The following CTNNA3 variants were observed in gnomAD, a reference collection of about 807,000 sequenced individuals.
CTNNA3 encodes catenin alpha-3.
A neutral mutation model predicts 95.7 loss-of-function variants in CTNNA3; 76 were observed. The observed-to-expected ratio is 0.79, with a 90% confidence interval of 0.66 to 0.96. The LOEUF (loss-of-function observed/expected upper bound fraction) is 0.96. CTNNA3 is among the 40% of genes least tolerant of loss of function. The pLI, the probability that CTNNA3 is intolerant of heterozygous loss-of-function variation, is 0.00. For synonymous variants in CTNNA3, 431 were observed against 374.4 expected (o/e 1.15, Z -1.74); for missense variants, 1,191 against 1,089.8 (o/e 1.09, Z -1.31).
Position 67,758,254 on chromosome 10 carries a change from T to C in CTNNA3, c.-2+5180A>G, listed in dbSNP as rs189343026. Among the ~76,000 whole-genome samples the C allele has an allele frequency of 1.2e-4, 18 of 150,934 alleles. No homozygotes were observed. In the East Asian group the frequency reaches 3.3e-3, roughly 28 times the overall value. ...CAGCCTCCTTAACCACATAAAACAA[T>C]TCCTATAATAAATCTCCTCATGTGT... On this transcript the variant is annotated intron_variant, in intron 1 of 17. Coordinates refer to the CTNNA3 transcript ENST00000684154.
chr10:67,391,636 A>G (rs1180786723), intron 5 of CTNNA3, among the ~76,000 whole-genome samples: 13 of 150,062 alleles, frequency 8.7e-5, no homozygotes, highest in East Asian at 2.0e-4. Flanking sequence ...GAGGCATCAC[A>G]CTACCTGACT....
intron 12 of CTNNA3, among the ~76,000 whole-genome samples, chr10:66,291,025 C>T (rs1392930825): frequency 6.6e-6 from 1 of 152,020 alleles, no homozygotes; most frequent in African/African-American, 2.4e-5. Context: ...TGACAGTGTC[C>T]ATCATAATAT....
chr10:67,751,021 A>G (rs1841404182), intron 1 of CTNNA3: 7 of 1,550,556 alleles, frequency 4.5e-6, no homozygotes, highest in South Asian at 1.1e-5. Context: ...ACCACAGCCC[A>G]GGTTCTGATC....
Position 66,379,144 on chromosome 10 carries a change from T to C in CTNNA3, c.1732+8A>G, listed in dbSNP as rs372686443. On this transcript the variant is annotated splice_region_variant and intron_variant, in intron 12 of 17. Transcript: ENST00000433211. ...AAATTGTGCAGCTGTTATTGGCAAC[T>C]GACTTACCAGTACTTGTAAGGAAGT... The C allele has an allele frequency of 1.9e-4, 305 of 1,609,838 alleles. No individual in the cohort carries two copies. Among genetic ancestry groups the C allele is most frequent in the Admixed American group, 2.7e-4 (16 of 59,970 alleles).
intron 7 of CTNNA3, among the ~76,000 whole-genome samples, chr10:67,080,008 G>A (rs1415015060): frequency 6.6e-6 from 1 of 151,992 alleles, no homozygotes; most frequent in Non-Finnish European, 1.5e-5. Context: ...ACAAGGTTTT[G>A]GTTTTGTTTT....
intron 7 of CTNNA3, among the ~76,000 whole-genome samples, chr10:66,799,413 TA>T (rs1589267425): frequency 6.6e-6 from 1 of 151,678 alleles, no homozygotes; most frequent in African/African-American, 2.4e-5. Context: ...AAATTAGAAT[TA>T]ATCATTTATG....
chr10:67,212,307 A>G (rs535431895), intron 6 of CTNNA3, among the ~76,000 whole-genome samples: 66 of 152,034 alleles, frequency 4.3e-4, no homozygotes, highest in African/African-American at 1.5e-3. Flanking sequence ...ACTCCTCAAT[A>G]TTGCATAAAT....
At chr10:67,181,719 A>C (rs984645887) in intron 6 of CTNNA3, among the ~76,000 whole-genome samples, 4 of 152,110 alleles carry the variant, frequency 2.6e-5, no homozygotes, top group Admixed American at 2.6e-4. Context: ...GTGTTACATT[A>C]CATTCTGATA....
intron 5 of CTNNA3, among the ~76,000 whole-genome samples, chr10:67,319,765 G>C (rs568440170): frequency 6.6e-6 from 1 of 151,940 alleles, no homozygotes; most frequent in South Asian, 2.1e-4. Flanking sequence ...GCATGGTGGC[G>C]GGTGCCTGTA....
At chr10:67,103,342 C>A (rs145876952) in intron 7 of CTNNA3, among the ~76,000 whole-genome samples, 1 of 151,906 alleles carries the variant, frequency 6.6e-6, no homozygotes, top group African/African-American at 2.4e-5. Context: ...AGGTTGCTTC[C>A]TGACAGACTG....
intron 9 of CTNNA3, among the ~76,000 whole-genome samples, chr10:66,756,913 G>T (rs1248563435): frequency 6.6e-6 from 1 of 152,118 alleles, no homozygotes; most frequent in Non-Finnish European, 1.5e-5. Flanking sequence ...CAAAACTAGT[G>T]ATTCTTGGCA....
intron 7 of CTNNA3, among the ~76,000 whole-genome samples, chr10:66,831,341 C>G (rs1165817221): frequency 6.6e-6 from 1 of 152,178 alleles, no homozygotes; most frequent in African/African-American, 2.4e-5. Context: ...CCAGGCTTCA[C>G]TCGTTCTGAC....
intron 7 of CTNNA3, among the ~76,000 whole-genome samples, chr10:66,878,971 CA>C (rs1288822935): frequency 3.3e-5 from 5 of 152,100 alleles, no homozygotes; most frequent in African/African-American, 1.2e-4. Flanking sequence ...TATTTTTGAG[CA>C]ATAACTGTCA....
In CTNNA3 at chr10:65,928,300, T is replaced by G. The variant is rs1207795728; in HGVS notation, c.2401-7683A>C. On this transcript the variant is annotated intron_variant, in intron 17 of 17. Coordinates refer to ENST00000433211, the MANE Select transcript of CTNNA3 (RefSeq NM_013266.4). ...ATTGCTGTCAAAAATAAATTGATCA[T>G]TTATGTTTGGCTCTATTTCTGCTTC... Among the ~76,000 whole-genome samples the G allele has an allele frequency of 2.6e-5, 4 of 152,312 alleles. No individual in the cohort carries two copies. In the East Asian group the frequency reaches 7.7e-4, roughly 29 times the overall value.
chr10:66,758,241 T>C (rs1423196265), intron 9 of CTNNA3, among the ~76,000 whole-genome samples: 2 of 152,310 alleles, frequency 1.3e-5, no homozygotes, highest in East Asian at 3.9e-4. Context: ...ATCTTCCATT[T>C]ATAGATAATG....
chr10:67,346,073 CTTAAG>C (rs1842403895), intron 5 of CTNNA3, among the ~76,000 whole-genome samples: 1 of 152,180 alleles, frequency 6.6e-6, no homozygotes, highest in South Asian at 2.1e-4. Flanking sequence ...CTGATAACTA[CTTAAG>C]TTGTTTGTAG....
At chr10:66,659,281 A>C (rs1447029449) in intron 9 of CTNNA3, among the ~76,000 whole-genome samples, 1 of 152,074 alleles carries the variant, frequency 6.6e-6, no homozygotes, top group East Asian at 1.9e-4. Flanking sequence ...GCACTATAAT[A>C]AGATAGAAAC....
At chr10:66,685,343 A>ATT (rs1847246518) in intron 9 of CTNNA3, among the ~76,000 whole-genome samples, 1 of 64,848 alleles carries the variant, frequency 1.5e-5, no homozygotes, top group African/African-American at 7.5e-5. Context: ...ATATATATAT[A>ATT]TATATATATT....
intron 9 of CTNNA3, among the ~76,000 whole-genome samples, chr10:66,625,043 C>A (rs1844884950): frequency 6.6e-6 from 1 of 152,030 alleles, no homozygotes; most frequent in African/African-American, 2.4e-5. Context: ...ACAAAATGTT[C>A]TTTCATTTTT....
Sources: gnomAD v4.1 joint callset for allele counts (sites outside exome capture counted in the v4.1 genomes callset) on GRCh38, gnomAD v4.1.1 for gene constraint, MANE v1.5 for transcripts, NCBI Gene and HGNC (gene_info 2026-07-23, HGNC 2026-07-21) for gene names.